The following CYP2C18 variants were observed in gnomAD, a reference collection of about 807,000 sequenced individuals.
CYP2C18 encodes cytochrome P450 2C18.
A neutral mutation model predicts 41.3 loss-of-function variants in CYP2C18; 38 were observed. The observed-to-expected ratio is 0.92, with a 90% confidence interval of 0.71 to 1.21. CYP2C18 has a LOEUF of 1.21. Among genes scored for constraint, CYP2C18 ranks in the 50% most tolerant of loss-of-function variants. CYP2C18 has a pLI of 0.00. For missense variants in CYP2C18, 635 were observed against 591.4 expected, an observed-to-expected ratio of 1.07 and a Z score of -0.77; for synonymous variants, 236 against 210.0, an observed-to-expected ratio of 1.12 and a Z score of -1.07.
chr10:94,715,516 A>G (rs530451240), intron 5 of CYP2C18, among the ~76,000 whole-genome samples: 9 of 152,338 alleles, frequency 5.9e-5, no homozygotes, highest in African/African-American at 2.2e-4. Context: ...CCAGCCTTGC[A>G]TCCCAGGGAT....
Position 94,706,926 on chromosome 10 carries a change from A to T in CYP2C18, c.785A>T (p.Asp262Val). The T allele has an allele frequency of 6.2e-7, 1 of 1,609,394 alleles. No individual in the cohort carries two copies. The highest frequency in any genetic ancestry group is 8.5e-7 in the Non-Finnish European group (1 of 1,178,638). The change falls in exon 5 of 9, where the codon GAC becomes GTC. Residue 262 changes from aspartate to valine, a missense_variant. Coordinates refer to ENST00000285979, the MANE Select transcript of CYP2C18 (RefSeq NM_000772.3). Reference sequence around the variant, plus strand: ...TCCCTGGACATGAACAGTGCTCGGGACTTTATTGATTGTTTCCTGATCAAA... The same window carrying T: ...TCCCTGGACATGAACAGTGCTCGGGTCTTTATTGATTGTTTCCTGATCAAA... The part of the protein sequence containing the change: ...QESLDMNSAR[D>V]FIDCFLIKME...
rs756768474 is a variant in CYP2C18, at chr10:94,706,923, G to A, written c.782G>A (p.Arg261Gln). ...HQESLDMNSA[R>Q]DFIDCFLIKM... is the part of the protein sequence containing the mutation. The stretch of plus-strand genomic sequence containing the variant: ...GAATCCCTGGACATGAACAGTGCTC[G>A]GGACTTTATTGATTGTTTCCTGATC... The change falls in exon 5 of 9, where the codon CGG becomes CAG. Residue 261 changes from arginine (R) to glutamine (Q), a missense_variant. Transcript: ENST00000285979. 4.3e-6 allele frequency: 7 copies of A among 1,610,190 alleles called. No homozygotes were observed. Among genetic ancestry groups the A allele is most frequent in the African/African-American group, 4.0e-5 (3 of 74,678 alleles).
Position 94,733,412 on chromosome 10 carries a change from G to C in CYP2C18, c.1265G>C (p.Ser422Thr). 6.2e-7 allele frequency: 1 copy of C among 1,613,346 alleles called. No homozygotes were observed. The highest frequency in any genetic ancestry group is 8.5e-7 in the Non-Finnish European group (1 of 1,179,518). ...GATAAGAGTGGCAACTTTAAGAAAA[G>C]TGACTACTTCATGCCTTTCTCAGCA... ...FLDKSGNFKK[S>T]DYFMPFSAGK... The change falls in exon 8 of 9, where the codon AGT (serine) becomes ACT (threonine). Residue 422 changes from serine (S) to threonine (T), a missense_variant. Physicochemically the swap from Ser to Thr is moderately conservative, Grantham distance 58 (BLOSUM62 1). Transcript: ENST00000285979.
intron 4 of CYP2C18, among the ~76,000 whole-genome samples, chr10:94,701,819 G>A (rs538694055): frequency 2.0e-5 from 3 of 152,262 alleles, no homozygotes; most frequent in Admixed American, 6.5e-5. Context: ...AGAGAATGAG[G>A]TGGAGAGGAG....
In CYP2C18 at chr10:94,694,802, G is replaced by T. The variant is rs1308731736; in HGVS notation, c.482-115G>T. 2.5e-5 allele frequency: 29 copies of T among 1,167,350 alleles called. 1 individual carries two copies. The South Asian group carries it at 3.5e-4, about 14-fold the overall frequency. 72.3% of individuals were successfully genotyped at this position (1,167,350 alleles called of 1,614,324 possible). A position where few individuals can be genotyped will look rare whatever the true frequency, so the allele number is the denominator to read the frequency against. On this transcript the variant is annotated intron_variant, in intron 3 of 8. Transcript: ENST00000285979. ...TATGCTGTAGTTTGTGTTGATAAGA[G>T]AATTTCTAGGTAGGTATTGGTTTAG... is the stretch of plus-strand genomic sequence containing the variant.
intron 7 of CYP2C18, among the ~76,000 whole-genome samples, chr10:94,730,037 G>T (rs370038411): frequency 6.6e-6 from 1 of 152,042 alleles, no homozygotes; most frequent in Non-Finnish European, 1.5e-5. Flanking sequence ...TACAAAACAC[G>T]TTCATTTTGG....
chr10:94,730,412 G>A (rs1013970929), intron 7 of CYP2C18, among the ~76,000 whole-genome samples: 8 of 152,108 alleles, frequency 5.3e-5, no homozygotes, highest in Non-Finnish European at 1.2e-4. Context: ...CAAAACAGGT[G>A]AACAACCAAG....
At chr10:94,724,900 T>G (rs1847713118) in intron 7 of CYP2C18, among the ~76,000 whole-genome samples, 1 of 152,008 alleles carries the variant, frequency 6.6e-6, no homozygotes, top group Non-Finnish European at 1.5e-5. Flanking sequence ...AAATAATTGA[T>G]GTCCTGACAG....
intron 3 of CYP2C18, among the ~76,000 whole-genome samples, chr10:94,693,208 G>A (rs1039731685): frequency 6.6e-6 from 1 of 152,146 alleles, no homozygotes; most frequent in Non-Finnish European, 1.5e-5. Flanking sequence ...CCTTGTGAGA[G>A]GTGATTGGAT....
intron 5 of CYP2C18, among the ~76,000 whole-genome samples, chr10:94,719,196 A>G (rs1485534117): frequency 1.7e-4 from 26 of 152,074 alleles, no homozygotes; most frequent in Admixed American, 1.7e-3. Flanking sequence ...TATGTCTCTA[A>G]TTTACTTATT....
chr10:94,731,810 G>A (rs2134211352), intron 7 of CYP2C18, among the ~76,000 whole-genome samples: 1 of 152,202 alleles, frequency 6.6e-6, no homozygotes, highest in Non-Finnish European at 1.5e-5. Flanking sequence ...ATATAAATAT[G>A]CACTCAAGAT....
intron 5 of CYP2C18, among the ~76,000 whole-genome samples, chr10:94,712,959 G>A (rs753269946): frequency 4.6e-5 from 7 of 151,926 alleles, no homozygotes; most frequent in Non-Finnish European, 8.8e-5. Context: ...ATCTTTTTAT[G>A]TATCTCTTAA....
intron 3 of CYP2C18, among the ~76,000 whole-genome samples, chr10:94,691,285 GC>G (rs1242653935): frequency 3.3e-5 from 5 of 152,144 alleles, no homozygotes. Context: ...CATCATCTCA[GC>G]CCAAAATCTC....
intron 4 of CYP2C18, among the ~76,000 whole-genome samples, chr10:94,705,372 G>A (rs1406610825): frequency 6.6e-6 from 1 of 152,126 alleles, no homozygotes; most frequent in Non-Finnish European, 1.5e-5. Flanking sequence ...GGGTGTTGGT[G>A]GAGGGAGAGC....
At position 94,735,731 on chromosome 10, in the gene CYP2C18, A is replaced by G; in HGVS notation, c.*287A>G. 3.0e-6 allele frequency: 1 copy of G among 338,300 alleles called. No individual in the cohort carries two copies. The allele number at this position is 338,300 out of a possible 1,614,324, so 21.0% of individuals were successfully genotyped here. The stretch of plus-strand genomic sequence containing the variant: ...GTTGTCAGTATGTTATCACTAGAAA[A>G]CAAAGAAAAATGATTAATAAATGAC... On this transcript the variant is annotated 3_prime_UTR_variant, in exon 9 of 9. Coordinates refer to ENST00000285979, the MANE Select transcript of CYP2C18 (RefSeq NM_000772.3).
chr10:94,733,253 T>G, intron 7 of CYP2C18, 44 bp from the exon 8 acceptor site: 1 of 1,584,836 alleles, frequency 6.3e-7, no homozygotes, highest in Non-Finnish European at 8.6e-7. Context: ...CTTCCCACTC[T>G]TTGACTTCTT....
rs144922254 is a variant in CYP2C18, at chr10:94,710,371, A to C, written c.819+3411A>C. ...GTTCTTAGCTATTTTGGTTGTGTAG[A>C]GTTCCCCATGAATTTTATGGTAATC... On this transcript the variant is annotated intron_variant, in intron 5 of 8. Transcript: ENST00000285979. Among the ~76,000 whole-genome samples the C allele has an allele frequency of 2.8e-4, 42 of 152,332 alleles. 1 individual carries two copies. Among genetic ancestry groups the C allele is most frequent in the African/African-American group, 9.9e-4 (41 of 41,594 alleles).
At chr10:94,711,756 GTT>G in intron 5 of CYP2C18, among the ~76,000 whole-genome samples, 1 of 152,008 alleles carries the variant, frequency 6.6e-6, no homozygotes, top group East Asian at 1.9e-4. Flanking sequence ...CATGTAAGTG[GTT>G]GTTATACTGT....
At chr10:94,700,045 A>T (rs1046055410) in intron 4 of CYP2C18, among the ~76,000 whole-genome samples, 6 of 152,230 alleles carry the variant, frequency 3.9e-5, no homozygotes, top group African/African-American at 1.4e-4. Flanking sequence ...GAAGACGGCC[A>T]TACTGCCCAA....
Sources: allele counts gnomAD v4.1 joint callset (sites outside exome capture counted in the v4.1 genomes callset), GRCh38; gene constraint gnomAD v4.1.1; transcripts MANE v1.5; gene names NCBI Gene and HGNC (gene_info 2026-07-23, HGNC 2026-07-21).